The following PALLD variants were observed in gnomAD, a reference collection of about 807,000 sequenced individuals.
PALLD encodes the protein palladin, cytoskeletal associated protein.
In PALLD, 61 loss-of-function variants were observed where a neutral mutation model predicts 123.5. The ratio of observed to expected loss-of-function variants is 0.49; its 90% CI spans 0.40 to 0.61. The LOEUF is 0.61. Among genes scored for constraint, PALLD ranks in the 20% least tolerant of loss-of-function variants. PALLD has a pLI of 0.00. For missense variants in PALLD, 1,273 were observed against 1,377.0 expected, an observed-to-expected ratio of 0.92 and a Z score of 1.20; for synonymous variants, 465 against 496.4, an observed-to-expected ratio of 0.94 and a Z score of 0.84.
At chr4:168,909,423 T>C (rs1386445497) in intron 15 of PALLD, among the ~76,000 whole-genome samples, 1 of 152,202 alleles carries the variant, frequency 6.6e-6, no homozygotes, top group African/African-American at 2.4e-5. Flanking sequence ...ACAAGCTGGA[T>C]GTTTAATACA....
At chr4:168,825,875 G>C (rs889044074) in intron 10 of PALLD, among the ~76,000 whole-genome samples, 8 of 152,166 alleles carry the variant, frequency 5.3e-5, no homozygotes, top group African/African-American at 1.9e-4. Flanking sequence ...AAAAGAACAA[G>C]CTGAGGACTT....
intron 8 of PALLD, among the ~76,000 whole-genome samples, chr4:168,701,448 G>T (rs1404840985): frequency 6.6e-6 from 1 of 152,238 alleles, no homozygotes; most frequent in Admixed American, 6.5e-5. Context: ...AGAGCCCTCT[G>T]ATTTAGAAGG....
chr4:168,610,871 A>G (rs1473193785), intron 2 of PALLD, among the ~76,000 whole-genome samples: 1 of 152,106 alleles, frequency 6.6e-6, no homozygotes, highest in Non-Finnish European at 1.5e-5. Flanking sequence ...AGAGATAGGG[A>G]GTTCTTTTCT....
chr4:168,824,132 G>T (rs1346383880), intron 10 of PALLD, among the ~76,000 whole-genome samples: 1 of 152,172 alleles, frequency 6.6e-6, no homozygotes, highest in Non-Finnish European at 1.5e-5. Flanking sequence ...TAAAATTGAG[G>T]TAATGATTTA....
At chr4:168,637,102 A>C (rs1156988046) in intron 2 of PALLD, among the ~76,000 whole-genome samples, 3 of 152,222 alleles carry the variant, frequency 2.0e-5, no homozygotes, top group Admixed American at 1.3e-4. Context: ...ACTACAAATC[A>C]GTGGTAATGT....
chr4:168,778,718 T>G (rs1735508226), intron 10 of PALLD, among the ~76,000 whole-genome samples: 1 of 152,244 alleles, frequency 6.6e-6, no homozygotes. Context: ...CTATCTATAT[T>G]TTACAAAGAA....
chr4:168,689,432 CTTTTTTTTTTTT>C (rs70961551), intron 6 of PALLD, among the ~76,000 whole-genome samples: 194 of 49,830 alleles, frequency 3.9e-3, no homozygotes, highest in Admixed American at 5.6e-3. Context: ...ATCCAATATT[CTTTTTTTTTTTT>C]TTTTTTTTTT....
chr4:168,581,141 T>C (rs62335504), intron 2 of PALLD, among the ~76,000 whole-genome samples: 13,992 of 151,922 alleles, frequency 0.092, 892 homozygotes, highest in South Asian at 0.18. Flanking sequence ...AGTTACAATA[T>C]TAAAAAAAAA....
intron 8 of PALLD, among the ~76,000 whole-genome samples, chr4:168,702,017 T>C (rs992560176): frequency 6.6e-6 from 1 of 152,226 alleles, no homozygotes; most frequent in African/African-American, 2.4e-5. Context: ...GAGGACATAT[T>C]GCCCTCCCCT....
In PALLD at chr4:168,733,669, C is replaced by A. The variant is rs7694750; in HGVS notation, c.1964+21746C>A. ...CTGGTTTTGAACTTCTGGCTTCAAG[C>A]GATCCTCCCACCTTAGCCTCCTGAA... On this transcript the variant is annotated intron_variant, in intron 10 of 21. Coordinates refer to ENST00000505667, the MANE Select transcript of PALLD (RefSeq NM_001166108.2). Among the ~76,000 whole-genome samples the A allele has an allele frequency of 1.1e-3, 171 of 152,216 alleles. 1 individual carries two copies. In the East Asian group the frequency reaches 0.019, roughly 16 times the overall value.
At chr4:168,788,749 C>A (rs1737105723) in intron 10 of PALLD, among the ~76,000 whole-genome samples, 1 of 151,906 alleles carries the variant, frequency 6.6e-6, no homozygotes, top group African/African-American at 2.4e-5. Context: ...AATCTCTGTA[C>A]CTTTAGCTCA....
intron 10 of PALLD, among the ~76,000 whole-genome samples, chr4:168,764,678 C>A (rs1322041509): frequency 6.6e-6 from 1 of 152,092 alleles, no homozygotes; most frequent in Non-Finnish European, 1.5e-5. Context: ...GGCAAAAAGC[C>A]TTACAGCTTC....
intron 10 of PALLD, among the ~76,000 whole-genome samples, chr4:168,855,369 G>A (rs1748456824): frequency 6.6e-6 from 1 of 152,210 alleles, no homozygotes; most frequent in Admixed American, 6.5e-5. Context: ...GATTACAGGT[G>A]TGAGCCACCT....
chr4:168,518,711 A>C, intron 2 of PALLD, among the ~76,000 whole-genome samples: 1 of 151,080 alleles, frequency 6.6e-6, no homozygotes, highest in Non-Finnish European at 1.5e-5. Context: ...TCTCTATTCC[A>C]CTCTCTTGCT....
intron 6 of PALLD, among the ~76,000 whole-genome samples, chr4:168,687,048 C>A (rs536825267): frequency 5.9e-5 from 9 of 152,280 alleles, no homozygotes; most frequent in African/African-American, 2.2e-4. Context: ...CAGTTGGACT[C>A]CTACCTCATA....
At chr4:168,809,949 TAGAA>T (rs1740831619) in intron 10 of PALLD, among the ~76,000 whole-genome samples, 1 of 151,426 alleles carries the variant, frequency 6.6e-6, no homozygotes, top group Non-Finnish European at 1.5e-5. Flanking sequence ...GAAGTGTTAA[TAGAA>T]GGAGGGTGGA....
At chr4:168,809,992 G>A (rs763786393) in intron 10 of PALLD, among the ~76,000 whole-genome samples, 6 of 152,044 alleles carry the variant, frequency 3.9e-5, no homozygotes, top group Admixed American at 2.6e-4. Flanking sequence ...AGGAGTGGAG[G>A]TCAGCCTCTG....
At chr4:168,758,719 A>G (rs1376769901) in intron 10 of PALLD, among the ~76,000 whole-genome samples, 1 of 152,126 alleles carries the variant, frequency 6.6e-6, no homozygotes, top group Non-Finnish European at 1.5e-5. Flanking sequence ...GTAACCACGA[A>G]CAGTAAATTT....
At chr4:168,880,611 T>C (rs1752477897) in intron 10 of PALLD, among the ~76,000 whole-genome samples, 1 of 152,256 alleles carries the variant, frequency 6.6e-6, no homozygotes, top group Non-Finnish European at 1.5e-5. Flanking sequence ...ATGTTACTAT[T>C]TTTGTTTACC....
Sources: allele counts gnomAD v4.1 joint callset (sites outside exome capture counted in the v4.1 genomes callset), GRCh38; gene constraint gnomAD v4.1.1; transcripts MANE v1.5; gene names NCBI Gene and HGNC (gene_info 2026-07-23, HGNC 2026-07-21).